PAQR4: variants seen among roughly 807,000 people sequenced by gnomAD.
PAQR4 encodes progestin and adipoQ receptor family member IV.
A neutral mutation model predicts 20.9 loss-of-function variants in PAQR4; 26 were observed. The ratio of observed to expected loss-of-function variants is 1.24; its 90% CI spans 0.91 to 1.73. PAQR4 has a LOEUF of 1.73. Among genes scored for constraint, PAQR4 ranks in the 40% most tolerant of loss-of-function variants. The pLI, the probability that PAQR4 is intolerant of heterozygous loss-of-function variation, is 0.00. For missense variants in PAQR4, 400 were observed against 380.1 expected (o/e 1.05, Z -0.44); for synonymous variants, 193 against 171.6 (o/e 1.12, Z -0.97).
rs2071925017 is a variant in PAQR4, at chr16:2,969,659, C to T, written c.-16C>T. ...CGGGGACAGCAGGAGCACGGGCTGC[C>T]CGCGCGGTGCGGACCATGGCGTTCC... On this transcript the variant is annotated 5_prime_UTR_variant, in exon 1 of 3. Coordinates refer to ENST00000318782, the MANE Select transcript of PAQR4 (RefSeq NM_152341.5). 1.3e-5 allele frequency: 19 copies of T among 1,510,922 alleles called. No homozygotes were observed. Among genetic ancestry groups the T allele is most frequent in the Non-Finnish European group, 1.7e-5 (19 of 1,132,040 alleles). 93.6% of individuals were successfully genotyped at this position (1,510,922 alleles called of 1,614,324 possible). A position where few individuals can be genotyped will look rare whatever the true frequency, so the allele number is the denominator to read the frequency against.
chr16:2,969,569 G>C lies in PAQR4; in HGVS notation c.-106G>C. 7.8e-7 allele frequency: 1 copy of C among 1,274,184 alleles called. No individual in the cohort carries two copies. The highest frequency in any genetic ancestry group is 1.9e-5 in the South Asian group (1 of 52,182). The allele number at this position is 1,274,184 out of a possible 1,614,324, so 78.9% of individuals were successfully genotyped here. A position where few individuals can be genotyped will look rare whatever the true frequency, so the allele number is the denominator to read the frequency against. On this transcript the variant is annotated 5_prime_UTR_variant, in exon 1 of 3. Transcript: ENST00000318782. ...ATCGAGCGCAGGGCGATGGGTGGGC[G>C]CCGGGCGCCGGGCGCCAGGCAGTGA...
rs1349408437 is a variant in PAQR4, at chr16:2,973,320, G to A, written c.*1372G>A. The A allele has an allele frequency of 9.8e-6, 15 of 1,528,252 alleles. No individual in the cohort carries two copies. The East Asian group carries it at 1.5e-4, about 15-fold the overall frequency. 94.7% of individuals were successfully genotyped at this position (1,528,252 alleles called of 1,614,324 possible). On this transcript the variant is annotated 3_prime_UTR_variant, in exon 3 of 3. Transcript: ENST00000318782. ...CTCCAGGCTCCCGCCTGACAAACAGGCAGGGAGCCACAGTCAGGGACAATA... is the reference window on the plus strand; with the variant it reads ...CTCCAGGCTCCCGCCTGACAAACAGACAGGGAGCCACAGTCAGGGACAATA...
At chr16:2,969,972 C>G in intron 1 of PAQR4, 132 bp downstream of exon 1, 1 of 1,217,598 alleles carries the variant, frequency 8.2e-7, no homozygotes, top group South Asian at 1.5e-5. Flanking sequence ...CGCCAGTAGC[C>G]GCGGTGACAA....
intron 1 of PAQR4, 156 bp downstream of exon 1, chr16:2,969,996 C>T (rs2071937057): frequency 9.7e-6 from 10 of 1,028,514 alleles, no homozygotes; most frequent in Non-Finnish European, 1.4e-5. Flanking sequence ...TGCCATTGTC[C>T]CGGGCCGCGC....
In PAQR4 at chr16:2,973,336, A is replaced by G. The variant is rs1202902301; in HGVS notation, c.*1388A>G. On this transcript the variant is annotated 3_prime_UTR_variant, in exon 3 of 3. Coordinates refer to ENST00000318782, the MANE Select transcript of PAQR4 (RefSeq NM_152341.5). ...GACAAACAGGCAGGGAGCCACAGTC[A>G]GGGACAATAAAAACTTGGTGCACTC... 30 of 1,542,752 alleles carry G rather than the reference A, an allele frequency of 1.9e-5. No individual in the cohort carries two copies. Among genetic ancestry groups the G allele is most frequent in the African/African-American group, 2.7e-5 (2 of 72,804 alleles).
chr16:2,971,540 C>A lies in PAQR4; in HGVS notation c.414C>A (p.Thr138=), dbSNP rs894717530. 6.3e-7 allele frequency: 1 copy of A among 1,592,246 alleles called. No individual in the cohort carries two copies. The highest frequency in any genetic ancestry group is 8.5e-7 in the Non-Finnish European group (1 of 1,174,784). ...GGGCCCTGCCCATCATCCACTGCACCCTGGCCTGCAGGCCCTGGCTGCGCC... is the reference window on the plus strand; with the variant it reads ...GGGCCCTGCCCATCATCCACTGCACACTGGCCTGCAGGCCCTGGCTGCGCC... ...TLGALPIIHC[T]LACRPWLRPA... The change falls in exon 3 of 3, where the codon ACC becomes ACA. Residue 138 remains threonine, a synonymous_variant. Coordinates refer to ENST00000318782, the MANE Select transcript of PAQR4 (RefSeq NM_152341.5).
In PAQR4 at chr16:2,969,613, G is replaced by C; in HGVS notation, c.-62G>C. On this transcript the variant is annotated 5_prime_UTR_variant, in exon 1 of 3. Transcript: ENST00000318782. ...GCAGTGATGGGCCTTCCCGCGCTGC[G>C]GCCCCACTGAGGAGGAGGCTCGGGG... is the stretch of plus-strand genomic sequence containing the variant. 7.2e-7 allele frequency: 1 copy of C among 1,390,168 alleles called. No individual in the cohort carries two copies. The highest frequency in any genetic ancestry group is 9.3e-7 in the Non-Finnish European group (1 of 1,077,742). 86.1% of individuals were successfully genotyped at this position (1,390,168 alleles called of 1,614,324 possible). A position where few individuals can be genotyped will look rare whatever the true frequency, so the allele number is the denominator to read the frequency against.
Position 2,971,675 on chromosome 16 carries a change from C to A in PAQR4, c.549C>A (p.Ala183=). Residue 183 remains alanine, a synonymous_variant, in exon 3 of 3, where the codon GCC becomes GCA. Transcript: ENST00000318782. The part of the protein sequence containing the change: ...RLRAFGWQAA[A]RLLVFGARGV... ...GGGCATTTGGATGGCAGGCTGCTGC[C>A]CGCCTACTGGTATTTGGGGCCCGGG... 1 of 1,611,706 alleles carries A rather than the reference C, an allele frequency of 6.2e-7. No individual in the cohort carries two copies. The highest frequency in any genetic ancestry group is 8.5e-7 in the Non-Finnish European group (1 of 1,179,876).
chr16:2,971,386 A>G lies in PAQR4; in HGVS notation c.388+8A>G. 6.2e-7 allele frequency: 1 copy of G among 1,604,690 alleles called. No individual in the cohort carries two copies. Among genetic ancestry groups the G allele is most frequent in the Non-Finnish European group, 8.5e-7 (1 of 1,178,554 alleles). ...GCCTTGTCAACACCCTTGGTGAGTC[A>G]GGGCCCAAGGGATGGGAGCTGGAGC... On this transcript the variant is annotated splice_region_variant and intron_variant, in intron 2 of 2. Coordinates refer to ENST00000318782, the MANE Select transcript of PAQR4 (RefSeq NM_152341.5).
rs1483201575 is a variant in PAQR4, at chr16:2,971,501, CTCCT to C, written c.389-13_389-10del. On this transcript the variant is annotated splice_polypyrimidine_tract_variant and intron_variant, in intron 2 of 2. Coordinates refer to ENST00000318782, the MANE Select transcript of PAQR4 (RefSeq NM_152341.5). ...ACAATGACATGCCCTCTCCTGTTCT[CTCCT>C]CTTGTGCAGGGGCCCTGCCCATCAT... 1 of 1,579,498 alleles carries C rather than the reference CTCCT, an allele frequency of 6.3e-7. No individual in the cohort carries two copies. Among genetic ancestry groups the C allele is most frequent in the Admixed American group, 1.7e-5 (1 of 59,090 alleles).
chr16:2,970,765 C>T (rs2071963197), intron 1 of PAQR4, among the ~76,000 whole-genome samples: 1 of 152,264 alleles, frequency 6.6e-6, no homozygotes, highest in South Asian at 2.1e-4. Flanking sequence ...GTGTCCTCTT[C>T]ACAACTCAAC....
At position 2,971,941 on chromosome 16, in the gene PAQR4, G is replaced by C. The variant is rs200323509; in HGVS notation, c.815G>C (p.Arg272Pro). 5 of 1,583,608 alleles carry C rather than the reference G, an allele frequency of 3.2e-6. No individual in the cohort carries two copies. The highest frequency in any genetic ancestry group is 3.4e-6 in the Non-Finnish European group (4 of 1,168,878). The change falls in exon 3 of 3, where the codon CGG (arginine) becomes CCG (proline). Residue 272 changes from arginine (R) to proline (P), a missense_variant. Arg to Pro is a moderately radical substitution (Grantham distance 103). Transcript: ENST00000318782. ...LLWAAHHACPRD is the reference protein window; with the variant it reads ...LLWAAHHACPPD ...TGGGCTGCCCACCACGCCTGTCCCCGGGACTGAGCTGCCATGCCAGCCTGC... is the reference window on the plus strand; with the variant it reads ...TGGGCTGCCCACCACGCCTGTCCCCCGGACTGAGCTGCCATGCCAGCCTGC...
intron 1 of PAQR4, 58 bp from the exon 2 acceptor site, chr16:2,971,099 G>A: frequency 4.6e-6 from 7 of 1,526,022 alleles, no homozygotes; most frequent in South Asian, 2.2e-5. Context: ...TGTCTGAACC[G>A]TGGTCCCCTT....
In PAQR4 at chr16:2,972,951, G is replaced by C. The variant is rs1354416593; in HGVS notation, c.*1003G>C. On this transcript the variant is annotated 3_prime_UTR_variant, in exon 3 of 3. Coordinates refer to ENST00000318782, the MANE Select transcript of PAQR4 (RefSeq NM_152341.5). ...TAAAAGTGCAGAGGCAGAGTCTGGGGCTCAGGTTGGGTCTAGGGTGTCCTC... is the reference window on the plus strand; with the variant it reads ...TAAAAGTGCAGAGGCAGAGTCTGGGCCTCAGGTTGGGTCTAGGGTGTCCTC... 6.2e-7 allele frequency: 1 copy of C among 1,601,304 alleles called. No homozygotes were observed. The highest frequency in any genetic ancestry group is 1.3e-5 in the African/African-American group (1 of 74,956).
chr16:2,971,598 G>A lies in PAQR4; in HGVS notation c.472G>A (p.Gly158Ser). 1 of 1,602,600 alleles carries A rather than the reference G, an allele frequency of 6.2e-7. No homozygotes were observed. Among genetic ancestry groups the A allele is most frequent in the Non-Finnish European group, 8.5e-7 (1 of 1,179,784 alleles). Reference sequence around the variant, plus strand: ...CCTGGTGGGCTACACTGTGTTGTCGGGTGTGGCCGGCTGGCGTGCTCTCAC... The same window carrying A: ...CCTGGTGGGCTACACTGTGTTGTCGAGTGTGGCCGGCTGGCGTGCTCTCAC... ...AALVGYTVLS[G>S]VAGWRALTAP... The change falls in exon 3 of 3, where the codon GGT (glycine) becomes AGT (serine). Residue 158 changes from glycine to serine, a missense_variant. Physicochemically the swap from Gly to Ser is moderately conservative, Grantham distance 56 (BLOSUM62 0). Transcript: ENST00000318782.
Position 2,969,547 on chromosome 16 carries a change from G to C in PAQR4, c.-128G>C, listed in dbSNP as rs904408673. On this transcript the variant is annotated 5_prime_UTR_variant, in exon 1 of 3. Coordinates refer to ENST00000318782, the MANE Select transcript of PAQR4 (RefSeq NM_152341.5). ...CCCCTAGCCAGCGCGTGCGCCGATC[G>C]AGCGCAGGGCGATGGGTGGGCGCCG... 3.6e-6 allele frequency: 4 copies of C among 1,117,528 alleles called. No individual in the cohort carries two copies. In the African/African-American group the frequency reaches 5.0e-5, roughly 14 times the overall value. The allele number at this position is 1,117,528 out of a possible 1,614,324, so 69.2% of individuals were successfully genotyped here. A position where few individuals can be genotyped will look rare whatever the true frequency, so the allele number is the denominator to read the frequency against.
rs372093888 is a variant in PAQR4 at position 2,973,231 on chromosome 16, C to T, written c.*1283C>T. 43 of 1,485,860 alleles carry T rather than the reference C, an allele frequency of 2.9e-5. No homozygotes were observed. Among genetic ancestry groups the T allele is most frequent in the Middle Eastern group, 1.8e-4 (1 of 5,618 alleles). 92.0% of individuals were successfully genotyped at this position (1,485,860 alleles called of 1,614,324 possible). On this transcript the variant is annotated 3_prime_UTR_variant, in exon 3 of 3. Coordinates refer to ENST00000318782, the MANE Select transcript of PAQR4 (RefSeq NM_152341.5). ...GAGTGAAGGCCTGCAGGAGGGCAGGCGAGACAAGGAGGGTGTCCAGGGCTA... is the reference window on the plus strand; with the variant it reads ...GAGTGAAGGCCTGCAGGAGGGCAGGTGAGACAAGGAGGGTGTCCAGGGCTA...
In PAQR4 at chr16:2,972,962, G is replaced by C; in HGVS notation, c.*1014G>C. ...AGGCAGAGTCTGGGGCTCAGGTTGG[G>C]TCTAGGGTGTCCTCAAACAGGCTGA... On this transcript the variant is annotated 3_prime_UTR_variant, in exon 3 of 3. Coordinates refer to ENST00000318782, the MANE Select transcript of PAQR4 (RefSeq NM_152341.5). 1 of 1,607,402 alleles carries C rather than the reference G, an allele frequency of 6.2e-7. No homozygotes were observed. Among genetic ancestry groups the C allele is most frequent in the Non-Finnish European group, 8.5e-7 (1 of 1,178,118 alleles).
At position 2,969,726 on chromosome 16, in the gene PAQR4, C is replaced by T. The variant is rs1160528750; in HGVS notation, c.52C>T (p.His18Tyr). The T allele has an allele frequency of 1.2e-6, 2 of 1,607,564 alleles. No homozygotes were observed. The highest frequency in any genetic ancestry group is 1.7e-6 in the Non-Finnish European group (2 of 1,177,734). Residue 18 changes from histidine (H) to tyrosine (Y), a missense_variant, in exon 1 of 3, where the codon CAC becomes TAC. Coordinates refer to ENST00000318782, the MANE Select transcript of PAQR4 (RefSeq NM_152341.5). Reference protein sequence around the residue: ...RLLDWASSPPHLQFNKFVLTG... With the variant: ...RLLDWASSPPYLQFNKFVLTG... ...GCTGGACTGGGCCAGCTCGCCGCCG[C>T]ACCTGCAGTTCAATAAGTTCGTGCT...
Sources: gnomAD v4.1 joint callset for allele counts (sites outside exome capture counted in the v4.1 genomes callset) on GRCh38, gnomAD v4.1.1 for gene constraint, MANE v1.5 for transcripts, NCBI Gene and HGNC (gene_info 2026-07-23, HGNC 2026-07-21) for gene names.